STK38L: variants seen among roughly 807,000 people sequenced by gnomAD.
STK38L encodes the protein serine/threonine-protein kinase 38-like.
STK38L carries 28 observed loss-of-function variants against 59.7 expected under a neutral mutation model. The observed-to-expected ratio is 0.47, with a 90% CI of 0.35 to 0.64. The LOEUF (loss-of-function observed/expected upper bound fraction) is 0.64. Ranked by LOEUF, STK38L falls within the 30% of genes least tolerant of loss-of-function variation. The probability of loss-of-function intolerance (pLI) is 0.01; values close to 1 mark genes in which losing one functional copy is unlikely to be tolerated. For missense variants in STK38L, 314 were observed against 555.8 expected, an observed-to-expected ratio of 0.56 and a Z score of 4.37; for synonymous variants, 162 against 176.8, an observed-to-expected ratio of 0.92 and a Z score of 0.66.
At chr12:27,310,568 TA>T (rs1565552122) in intron 5 of STK38L, among the ~76,000 whole-genome samples, 1 of 151,960 alleles carries the variant, frequency 6.6e-6, no homozygotes, top group African/African-American at 2.4e-5. Context: ...AATAAATAAA[TA>T]AATAAATAAA....
At chr12:27,282,280 C>T (rs942888301) in intron 1 of STK38L, among the ~76,000 whole-genome samples, 5 of 152,142 alleles carry the variant, frequency 3.3e-5, no homozygotes, top group Non-Finnish European at 7.4e-5. Flanking sequence ...TGAGCTAAAG[C>T]ACACTCTTTT....
intron 9 of STK38L, among the ~76,000 whole-genome samples, chr12:27,316,091 T>C (rs1944578706): frequency 6.6e-6 from 1 of 152,186 alleles, no homozygotes; most frequent in Non-Finnish European, 1.5e-5. Flanking sequence ...AAAGGAAAAC[T>C]AATTCAGCAT....
chr12:27,259,980 A>T (rs754779821), intron 1 of STK38L, among the ~76,000 whole-genome samples: 2 of 152,208 alleles, frequency 1.3e-5, no homozygotes, highest in African/African-American at 2.4e-5. Context: ...GTTTATAGCC[A>T]GAACTCTGTT....
At chr12:27,265,187 C>T (rs547236025) in intron 1 of STK38L, among the ~76,000 whole-genome samples, 4 of 152,268 alleles carry the variant, frequency 2.6e-5, no homozygotes, top group African/African-American at 9.6e-5. Context: ...ATTAATAGTA[C>T]TTTAGTAAAC....
intron 1 of STK38L, among the ~76,000 whole-genome samples, chr12:27,283,100 GCTT>G (rs974154023): frequency 1.3e-5 from 2 of 152,180 alleles, no homozygotes; most frequent in Admixed American, 6.5e-5. Context: ...ATTACCATGT[GCTT>G]CTTAAAAAAG....
intron 1 of STK38L, among the ~76,000 whole-genome samples, chr12:27,263,394 A>G (rs1460265226): frequency 6.6e-6 from 1 of 150,868 alleles, no homozygotes; most frequent in Non-Finnish European, 1.5e-5. Flanking sequence ...CTCCAGTTAA[A>G]GAACTCTTTC....
chr12:27,259,476 A>G (rs562131628), intron 1 of STK38L, among the ~76,000 whole-genome samples: 1 of 152,256 alleles, frequency 6.6e-6, no homozygotes, highest in East Asian at 1.9e-4. Flanking sequence ...CTGAGAAGAG[A>G]GGCAGGGATT....
chr12:27,275,397 G>A (rs1943513318), intron 1 of STK38L, among the ~76,000 whole-genome samples: 1 of 143,278 alleles, frequency 7.0e-6, no homozygotes, highest in Non-Finnish European at 1.5e-5. Context: ...AGGCTGGAGT[G>A]CAATGGTGTG....
At position 27,312,673 on chromosome 12, in the gene STK38L, G is replaced by T; in HGVS notation, c.517+1G>T. 1 of 1,613,638 alleles carries T rather than the reference G, an allele frequency of 6.2e-7. No homozygotes were observed. The highest frequency in any genetic ancestry group is 8.5e-7 in the Non-Finnish European group (1 of 1,179,856). On this transcript the variant is annotated splice_donor_variant, in intron 6 of 13. Transcript: ENST00000389032. LOFTEE classifies it high-confidence loss of function. ...CTAATCATGGAATTTCTCCCTGGAG[G>T]TAAAAGCAAACATTGTATCAATGAC...
intron 1 of STK38L, among the ~76,000 whole-genome samples, chr12:27,268,624 G>A (rs1040542696): frequency 5.9e-5 from 9 of 152,248 alleles, no homozygotes; most frequent in Middle Eastern, 3.4e-3. Flanking sequence ...AATCCTTTGG[G>A]TATATACCCA....
intron 12 of STK38L, among the ~76,000 whole-genome samples, chr12:27,321,849 A>G (rs1944736329): frequency 6.6e-6 from 1 of 152,190 alleles, no homozygotes; most frequent in Non-Finnish European, 1.5e-5. Flanking sequence ...CGATGTGCTT[A>G]TTACCCATTT....
intron 1 of STK38L, chr12:27,296,948 A>G (rs931207782): frequency 3.3e-5 from 5 of 152,222 alleles, no homozygotes; most frequent in African/African-American, 1.2e-4. Flanking sequence ...GCAGACATAC[A>G]TTGTCCACTT....
intron 1 of STK38L, among the ~76,000 whole-genome samples, chr12:27,279,671 G>C (rs1016612994): frequency 7.5e-6 from 1 of 133,976 alleles, no homozygotes; most frequent in African/African-American, 2.7e-5. Flanking sequence ...AAGTTTCAGC[G>C]AGCTAAAAAA....
intron 1 of STK38L, among the ~76,000 whole-genome samples, chr12:27,267,976 A>G: frequency 6.6e-6 from 1 of 152,190 alleles, no homozygotes; most frequent in East Asian, 1.9e-4. Flanking sequence ...ATGCATGTAT[A>G]TTGTTCAGAA....
At chr12:27,301,072 C>T (rs1944157282) in intron 2 of STK38L, among the ~76,000 whole-genome samples, 2 of 152,118 alleles carry the variant, frequency 1.3e-5, no homozygotes, top group South Asian at 2.1e-4. Context: ...AATACTAATA[C>T]TCACTTGGAA....
intron 1 of STK38L, among the ~76,000 whole-genome samples, chr12:27,281,751 G>A (rs1409400543): frequency 6.6e-6 from 1 of 152,068 alleles, no homozygotes; most frequent in Non-Finnish European, 1.5e-5. Flanking sequence ...AGAGTAAATT[G>A]AGGCGAGGCA....
At chr12:27,279,916 G>C (rs1213008782) in intron 1 of STK38L, among the ~76,000 whole-genome samples, 2 of 152,102 alleles carry the variant, frequency 1.3e-5, no homozygotes, top group African/African-American at 4.8e-5. Flanking sequence ...TCTGAGCTTA[G>C]GGAGACAGGT....
chr12:27,308,606 C>A lies in STK38L; in HGVS notation c.309+145C>A. 1.2e-6 allele frequency: 1 copy of A among 864,918 alleles called. No individual in the cohort carries two copies. The highest frequency in any genetic ancestry group is 1.5e-6 in the Non-Finnish European group (1 of 670,834). The allele number at this position is 864,918 out of a possible 1,614,324, so 53.6% of individuals were successfully genotyped here. On this transcript the variant is annotated intron_variant, in intron 4 of 13. Transcript: ENST00000389032. The surrounding 1 kb of genome is among the most constrained non-coding windows in gnomAD (Gnocchi z 4.5). ...TTGGGAGGCCGAGGCGGGTGGATCG[C>A]CTGAGGTCAGGAGTTCGAGACCAGC...
intron 2 of STK38L, 148 bp downstream of exon 2, chr12:27,298,002 CAT>C: frequency 1.0e-6 from 1 of 955,804 alleles, no homozygotes; most frequent in South Asian, 2.0e-5. Context: ...TGCACATAGA[CAT>C]GTGTTTTATT....
Sources: allele counts gnomAD v4.1 joint callset (sites outside exome capture counted in the v4.1 genomes callset), GRCh38; gene constraint gnomAD v4.1.1; non-coding constraint Gnocchi (gnomAD v3.1); transcripts MANE v1.5; gene names NCBI Gene and HGNC (gene_info 2026-07-23, HGNC 2026-07-21).